Variants in WIPI2 observed in about 807,000 individuals in gnomAD.
The protein encoded by WIPI2 is WD repeat domain phosphoinositide-interacting protein 2.
A neutral mutation model predicts 52.3 loss-of-function variants in WIPI2; 28 were observed. The ratio of observed to expected loss-of-function variants is 0.54; its 90% CI spans 0.40 to 0.73. WIPI2 has a LOEUF of 0.73. WIPI2 is among the 30% of genes least tolerant of loss of function. The pLI, the probability that WIPI2 is intolerant of heterozygous loss-of-function variation, is 0.00. For missense variants in WIPI2, 506 were observed against 602.9 expected, an observed-to-expected ratio of 0.84 and a Z score of 1.68; for synonymous variants, 268 against 245.0, an observed-to-expected ratio of 1.09 and a Z score of -0.88.
chr7:5,222,514 G>C, intron 7 of WIPI2, 88 bp from the exon 8 acceptor site: 4 of 1,347,074 alleles, frequency 3.0e-6, no homozygotes, highest in Non-Finnish European at 4.2e-6. Context: ...GGAGATAGCC[G>C]TGTGGCGCAT....
intron 7 of WIPI2, chr7:5,218,773 T>G (rs1263556256): frequency 7.2e-5 from 11 of 152,230 alleles, no homozygotes; most frequent in African/African-American, 2.7e-4. Flanking sequence ...GTTCTCTTCC[T>G]CATTTGGACT....
rs906998029 is a variant in WIPI2 at position 5,202,924 on chromosome 7, T to G, written c.211+3266T>G. On this transcript the variant is annotated intron_variant, in intron 3 of 12. Transcript: ENST00000288828. The stretch of plus-strand genomic sequence containing the variant: ...GATCACAAAAGTTTAGAAGTTGGCT[T>G]TTTTCAAAAGCTGCACTGTGTGTTT... 9.8e-5 allele frequency among the ~76,000 whole-genome samples: 15 copies of G among 152,344 alleles called. 1 individual carries two copies. Among genetic ancestry groups the G allele is most frequent in the Admixed American group, 3.3e-4 (5 of 15,308 alleles).
intron 3 of WIPI2, among the ~76,000 whole-genome samples, chr7:5,206,695 C>T (rs1307599293): frequency 6.6e-6 from 1 of 152,210 alleles, no homozygotes; most frequent in African/African-American, 2.4e-5. Context: ...GTATCCACCA[C>T]TTAGATTCTT....
intron 1 of WIPI2, among the ~76,000 whole-genome samples, chr7:5,191,629 T>C (rs73046135): frequency 0.051 from 7,820 of 152,110 alleles, 224 homozygotes; most frequent in South Asian, 0.058. Flanking sequence ...GGGTGAGTTA[T>C]GGGGTTGGCA....
intron 9 of WIPI2, chr7:5,226,214 C>A: frequency 2.4e-6 from 1 of 414,166 alleles, no homozygotes; most frequent in Non-Finnish European, 4.4e-6. Context: ...TGAAGATGGC[C>A]TCTCCTCAGG....
chr7:5,217,327 C>G (rs1185958438), intron 6 of WIPI2, 140 bp downstream of exon 6: 5 of 891,648 alleles, frequency 5.6e-6, no homozygotes, highest in African/African-American at 3.3e-5. Context: ...GTTTTTGAGA[C>G]AGGGTCTGGC....
At chr7:5,198,618 T>C (rs755551232) in intron 2 of WIPI2, among the ~76,000 whole-genome samples, 56 of 151,998 alleles carry the variant, frequency 3.7e-4, no homozygotes, top group Non-Finnish European at 7.5e-4. Flanking sequence ...CTGGCCAGCT[T>C]ACTTAACTCT....
At chr7:5,226,080 G>A (rs1414797115) in intron 9 of WIPI2, 150 bp downstream of exon 9, 42 of 711,006 alleles carry the variant, frequency 5.9e-5, no homozygotes, top group Middle Eastern at 2.4e-4. Context: ...GAGCACCTCC[G>A]CATCCAGGCT....
rs1783658253 is a variant in WIPI2, at chr7:5,230,110, C to G, written c.1252+372C>G. Among the ~76,000 whole-genome samples the G allele has an allele frequency of 6.6e-6, 1 of 152,052 alleles. No homozygotes were observed. Among genetic ancestry groups the G allele is most frequent in the South Asian group, 2.1e-4 (1 of 4,820 alleles). ...TTTTAAAGAAAATGTCATCCTGGCT[C>G]AGGTGACTCTGGGGTCACGTGACTT... On this transcript the variant is annotated intron_variant, in intron 12 of 12. Transcript: ENST00000288828. This position sits in a 1 kb window ranked among gnomAD's most constrained non-coding sequence, Gnocchi z 4.8.
At chr7:5,204,749 G>C (rs1782209829) in intron 3 of WIPI2, among the ~76,000 whole-genome samples, 1 of 151,914 alleles carries the variant, frequency 6.6e-6, no homozygotes, top group East Asian at 1.9e-4. Context: ...AGTGGTGCCA[G>C]CACGGCTCAC....
chr7:5,198,917 T>G (rs1781881962), intron 2 of WIPI2, among the ~76,000 whole-genome samples: 1 of 152,232 alleles, frequency 6.6e-6, no homozygotes, highest in South Asian at 2.1e-4. Context: ...TACCTTTTTG[T>G]GACAAGCACA....
Position 5,223,840 on chromosome 7 carries a change from C to T in WIPI2, c.740+1168C>T, listed in dbSNP as rs751059141. Among the ~76,000 whole-genome samples, 72 of 152,190 alleles carry T rather than the reference C, an allele frequency of 4.7e-4. 1 individual carries two copies. The highest frequency in any genetic ancestry group is 9.4e-4 in the African/African-American group (39 of 41,448). On this transcript the variant is annotated intron_variant, in intron 8 of 12. Coordinates refer to ENST00000288828, the MANE Select transcript of WIPI2 (RefSeq NM_015610.4). ...CCCTGGCACCCAAGCCAGAGGGACT[C>T]GGCCCTGCATCCTTCCGCCTGAATG...
chr7:5,201,120 C>T (rs1172600006), intron 3 of WIPI2, among the ~76,000 whole-genome samples: 3 of 152,216 alleles, frequency 2.0e-5, no homozygotes, highest in African/African-American at 4.8e-5. Flanking sequence ...GCTGCCTTCA[C>T]GTGAGCCACA....
intron 2 of WIPI2, chr7:5,193,392 A>G (rs1781572517): frequency 2.3e-6 from 3 of 1,289,836 alleles, no homozygotes; most frequent in Admixed American, 3.3e-5. Context: ...TCTAAAAGGG[A>G]TGGAATGAAG....
Position 5,217,195 on chromosome 7 carries a change from G to A in WIPI2, c.576+8G>A, listed in dbSNP as rs1782858112. 4 of 1,613,906 alleles carry A rather than the reference G, an allele frequency of 2.5e-6. No homozygotes were observed. The highest frequency in any genetic ancestry group is 3.4e-6 in the Non-Finnish European group (4 of 1,179,928). ...TTCGATACCATTAATTTGGTGAGAT[G>A]CCTTTCCTGCTCGAATAGCTCTCTA... is the stretch of plus-strand genomic sequence containing the variant. On this transcript the variant is annotated splice_region_variant and intron_variant, in intron 6 of 12. Transcript: ENST00000288828.
At chr7:5,193,326 G>A (rs1234053780) in intron 2 of WIPI2, 155 bp downstream of exon 2, 1 of 1,454,522 alleles carries the variant, frequency 6.9e-7, no homozygotes, top group Admixed American at 2.8e-5. Context: ...TTTTCCAGTG[G>A]ATACCACAGC....
intron 3 of WIPI2, among the ~76,000 whole-genome samples, chr7:5,202,091 C>T (rs979807219): frequency 6.6e-6 from 1 of 152,138 alleles, no homozygotes; most frequent in East Asian, 1.9e-4. Flanking sequence ...AGTTCAGGCT[C>T]AGTATTGACG....
intron 11 of WIPI2, chr7:5,229,376 G>T: frequency 2.5e-6 from 1 of 401,500 alleles, no homozygotes; most frequent in Non-Finnish European, 4.4e-6. Flanking sequence ...CATTGTAAAA[G>T]TGAAATATTG....
intron 8 of WIPI2, 121 bp downstream of exon 8, chr7:5,222,793 G>T (rs1583585299): frequency 1.0e-6 from 1 of 984,258 alleles, no homozygotes; most frequent in Non-Finnish European, 1.6e-6. Context: ...TTCTAGCCCG[G>T]CTGGGTCACC....
Sources: allele counts gnomAD v4.1 joint callset (sites outside exome capture counted in the v4.1 genomes callset), GRCh38; gene constraint gnomAD v4.1.1; non-coding constraint Gnocchi (gnomAD v3.1); transcripts MANE v1.5; gene names NCBI Gene and HGNC (gene_info 2026-07-23, HGNC 2026-07-21).